CPM: variants seen among roughly 807,000 people sequenced by gnomAD.
The protein encoded by CPM is carboxypeptidase M.
In CPM, 35 loss-of-function variants were observed where a neutral mutation model predicts 46.4. The ratio of observed to expected loss-of-function variants is 0.75; its 90% CI spans 0.58 to 1.00. CPM has a LOEUF of 1.00. Among genes scored for constraint, CPM ranks in the 50% least tolerant of loss-of-function variants. CPM has a pLI of 0.00. For synonymous variants in CPM, 195 were observed against 195.3 expected, an observed-to-expected ratio of 1.00 and a Z score of 0.01; for missense variants, 422 against 530.4, an observed-to-expected ratio of 0.80 and a Z score of 2.01.
At chr12:68,932,569 CCACT>C in intron 2 of CPM, 105 bp downstream of exon 2, 1 of 1,305,102 alleles carries the variant, frequency 7.7e-7, no homozygotes, top group African/African-American at 1.5e-5. Flanking sequence ...TTGTTCTGTG[CCACT>C]CAGAGTAGGT....
chr12:68,929,145 A>G (rs757096260), intron 2 of CPM, among the ~76,000 whole-genome samples: 94 of 152,166 alleles, frequency 6.2e-4, no homozygotes, highest in Non-Finnish European at 1.1e-3. Context: ...TTTTAAAAAA[A>G]TAATAAAATG....
intron 5 of CPM, 132 bp downstream of exon 5, chr12:68,870,083 G>C (rs1885624077): frequency 1.1e-6 from 1 of 887,160 alleles, no homozygotes; most frequent in African/African-American, 1.7e-5. Context: ...GCTAGAGTTG[G>C]GAACATGAAG....
intron 1 of CPM, among the ~76,000 whole-genome samples, chr12:68,946,849 T>C (rs955214247): frequency 6.6e-6 from 1 of 152,210 alleles, no homozygotes. Context: ...CAAAATTTGC[T>C]CACTGGAGTG....
At chr12:68,867,435 C>T (rs1885504138) in intron 6 of CPM, among the ~76,000 whole-genome samples, 1 of 152,162 alleles carries the variant, frequency 6.6e-6, no homozygotes, top group African/African-American at 2.4e-5. Context: ...AATATTTCTA[C>T]AAATCATTTA....
chr12:68,845,530 C>G (rs1360784534), intron 5 of CPM: 5 of 191,580 alleles, frequency 2.6e-5, no homozygotes, highest in African/African-American at 7.0e-5. Flanking sequence ...GAATGAAAAC[C>G]ATAGTTGATT....
In CPM at chr12:68,962,784, G is replaced by T. The variant is rs538395619; in HGVS notation, c.-4+385C>A. Among the ~76,000 whole-genome samples, 10 of 152,314 alleles carry T rather than the reference G, an allele frequency of 6.6e-5. No homozygotes were observed. The East Asian group carries it at 1.9e-3, about 29-fold the overall frequency. On this transcript the variant is annotated intron_variant, in intron 1 of 8. Coordinates refer to the CPM transcript ENST00000546373. ...TTCTCTCTGAAGGCTTAACCTGCAC[G>T]ATAAAACCTTCGTCTCCACAATCCT...
rs1391343373 is a variant in CPM at position 68,853,848 on chromosome 12, AGAAG to A, written c.*2585_*2588del. The A allele has an allele frequency of 1.3e-5, 2 of 151,948 alleles. No homozygotes were observed. The highest frequency in any genetic ancestry group is 2.1e-4 in the South Asian group (1 of 4,814). 9.4% of individuals were successfully genotyped at this position (151,948 alleles called of 1,614,324 possible). ...AAGGAGGGAGGAAGGTAGGAAGAGG[AGAAG>A]GAAGGAAGAAAGGAAAGAAATCTGC... On this transcript the variant is annotated 3_prime_UTR_variant, in exon 9 of 9. Transcript: ENST00000551568.
chr12:68,847,123 A>G (rs1192251274), downstream of CPM: 1 of 139,602 alleles, frequency 7.2e-6, no homozygotes, highest in Non-Finnish European at 1.5e-5. Context: ...TAATATATAT[A>G]TTATATATAA....
At chr12:68,915,081 T>G (rs1409228068) in intron 2 of CPM, among the ~76,000 whole-genome samples, 1 of 152,132 alleles carries the variant, frequency 6.6e-6, no homozygotes, top group Non-Finnish European at 1.5e-5. Context: ...TTAGATAGCT[T>G]CCCAAGGACA....
intron 2 of CPM, among the ~76,000 whole-genome samples, chr12:68,895,093 A>G (rs1886815771): frequency 6.6e-6 from 1 of 150,624 alleles, no homozygotes; most frequent in Non-Finnish European, 1.5e-5. Context: ...ATATTGTCAT[A>G]TTTTCCTTTT....
chr12:68,864,216 C>T (rs182917155), intron 7 of CPM, among the ~76,000 whole-genome samples: 11 of 152,052 alleles, frequency 7.2e-5, no homozygotes, highest in African/African-American at 1.7e-4. Context: ...AGGCCGAGGC[C>T]GGCGGATCAC....
At chr12:68,858,558 T>C (rs908991961) in intron 8 of CPM, among the ~76,000 whole-genome samples, 1 of 152,172 alleles carries the variant, frequency 6.6e-6, no homozygotes, top group Non-Finnish European at 1.5e-5. Flanking sequence ...AGAAAGTGTA[T>C]GCCGTGGAAT....
intron 2 of CPM, among the ~76,000 whole-genome samples, chr12:68,931,625 A>G (rs1888502585): frequency 6.6e-6 from 1 of 151,620 alleles, no homozygotes; most frequent in Non-Finnish European, 1.5e-5. Context: ...CATTCCTGTA[A>G]TCCCAGCTAC....
chr12:68,870,284 A>T lies in CPM; in HGVS notation c.547T>A (p.Phe183Ile). The change falls in exon 5 of 9, where the codon TTT becomes ATT. Residue 183 changes from phenylalanine to isoleucine, a missense_variant. Transcript: ENST00000551568. ...CCATGGAGGTTTGCAGAGAGGACAA[A>T]CGTCTCTGTTTTCAGCCACTTCATG... is the stretch of plus-strand genomic sequence containing the variant. ...AVMKWLKTET[F>I]VLSANLHGGA... The T allele has an allele frequency of 6.2e-7, 1 of 1,614,206 alleles. No individual in the cohort carries two copies.
At chr12:68,845,456 TATTC>T (rs1884215206) in intron 5 of CPM, 2 of 207,766 alleles carry the variant, frequency 9.6e-6, no homozygotes, top group Admixed American at 5.9e-5. Flanking sequence ...TTCAGTAACT[TATTC>T]ATAATGCATC....
At chr12:68,928,212 C>T (rs1319784481) in intron 2 of CPM, among the ~76,000 whole-genome samples, 3 of 152,224 alleles carry the variant, frequency 2.0e-5, no homozygotes, top group South Asian at 2.1e-4. Context: ...TCAGAAATAA[C>T]GCCGCATATC....
chr12:68,872,231 T>TGCTGCC (rs1430651993), intron 3 of CPM, among the ~76,000 whole-genome samples: 1 of 115,190 alleles, frequency 8.7e-6, no homozygotes, highest in African/African-American at 5.1e-5. Flanking sequence ...AGTGGAATAA[T>TGCTGCC]GCTGCTGCTG....
At chr12:68,902,350 C>T (rs1887148393) in intron 2 of CPM, among the ~76,000 whole-genome samples, 1 of 152,204 alleles carries the variant, frequency 6.6e-6, no homozygotes. Flanking sequence ...AAGTATTCCA[C>T]ACACTGAAAT....
At chr12:68,925,955 G>C (rs1408983824) in intron 2 of CPM, among the ~76,000 whole-genome samples, 3 of 152,064 alleles carry the variant, frequency 2.0e-5, no homozygotes, top group Non-Finnish European at 4.4e-5. Flanking sequence ...CTATCACCCA[G>C]GTTAGAGTGC....
Sources: allele counts gnomAD v4.1 joint callset (sites outside exome capture counted in the v4.1 genomes callset), GRCh38; gene constraint gnomAD v4.1.1; transcripts MANE v1.5; gene names NCBI Gene and HGNC (gene_info 2026-07-23, HGNC 2026-07-21).